Variants in CDH6 observed in about 807,000 individuals in gnomAD.
The protein encoded by CDH6 is cadherin 6.
Under a neutral mutation model 78.0 loss-of-function variants are expected in CDH6, and 31 were observed. The ratio of observed to expected loss-of-function variants is 0.40; its 90% confidence interval spans 0.30 to 0.54. The LOEUF is 0.54. Among genes scored for constraint, CDH6 ranks in the 20% least tolerant of loss-of-function variants. The probability of loss-of-function intolerance (pLI) is 0.56; values close to 1 mark genes in which losing one functional copy is unlikely to be tolerated. For missense variants in CDH6, 724 were observed against 975.9 expected (o/e 0.74, Z 3.44); for synonymous variants, 376 against 368.8 (o/e 1.02, Z -0.23).
At chr5:31,210,220 A>G (rs1350733575) in intron 1 of CDH6, among the ~76,000 whole-genome samples, 1 of 152,136 alleles carries the variant, frequency 6.6e-6, no homozygotes, top group Non-Finnish European at 1.5e-5. Context: ...TTAGTCACTT[A>G]AAGTCAGTAT....
At chr5:31,208,899 T>C (rs1740614608) in intron 1 of CDH6, among the ~76,000 whole-genome samples, 1 of 152,210 alleles carries the variant, frequency 6.6e-6, no homozygotes, top group South Asian at 2.1e-4. Context: ...GATTATGTAG[T>C]CCAATTTCAT....
chr5:31,235,209 A>G (rs1037730860), intron 1 of CDH6, among the ~76,000 whole-genome samples: 2 of 148,438 alleles, frequency 1.3e-5, no homozygotes, highest in Non-Finnish European at 3.0e-5. Context: ...ATGATACCAT[A>G]TAATTTCATC....
chr5:31,322,053 A>G (rs1738489120), intron 11 of CDH6, among the ~76,000 whole-genome samples: 1 of 152,218 alleles, frequency 6.6e-6, no homozygotes, highest in African/African-American at 2.4e-5. Flanking sequence ...AAGAATGAAC[A>G]TTCTCAGTAA....
intron 7 of CDH6, among the ~76,000 whole-genome samples, chr5:31,308,607 A>G (rs1411593516): frequency 6.6e-6 from 1 of 152,102 alleles, no homozygotes; most frequent in Non-Finnish European, 1.5e-5. Context: ...CTTGTGTACA[A>G]GCAACTTTCC....
intron 8 of CDH6, among the ~76,000 whole-genome samples, chr5:31,314,286 C>T (rs1441943356): frequency 2.7e-5 from 4 of 147,502 alleles, no homozygotes; most frequent in South Asian, 2.3e-4. Context: ...TCTCCTAATG[C>T]TATCCCTCCC....
At chr5:31,279,734 G>C (rs968087432) in intron 2 of CDH6, among the ~76,000 whole-genome samples, 1 of 152,106 alleles carries the variant, frequency 6.6e-6, no homozygotes, top group East Asian at 1.9e-4. Context: ...TACTGCCTCG[G>C]GGGTGGCAGA....
intron 1 of CDH6, among the ~76,000 whole-genome samples, chr5:31,210,885 G>C (rs1187241415): frequency 6.6e-6 from 1 of 152,062 alleles, no homozygotes; most frequent in Non-Finnish European, 1.5e-5. Context: ...CAGATACAGA[G>C]GGCCAACTGT....
In CDH6 at chr5:31,267,717, G is replaced by C. The variant is rs769845064; in HGVS notation, c.228+16G>C. 6.3e-7 allele frequency: 1 copy of C among 1,584,904 alleles called. No individual in the cohort carries two copies. Among genetic ancestry groups the C allele is most frequent in the Non-Finnish European group, 8.7e-7 (1 of 1,153,478 alleles). The stretch of plus-strand genomic sequence containing the variant: ...TGTGGGCAAGGTAGGATTCCTTTGA[G>C]TGCTTTGACATTCTGGGTTTAAAGC... On this transcript the variant is annotated intron_variant, in intron 2 of 11. Transcript: ENST00000265071.
chr5:31,323,092 G>C lies in CDH6; in HGVS notation c.2157G>C (p.Arg719Ser). 6.2e-7 allele frequency: 1 copy of C among 1,614,180 alleles called. No individual in the cohort carries two copies. The highest frequency in any genetic ancestry group is 8.5e-7 in the Non-Finnish European group (1 of 1,180,042). The change falls in exon 12 of 12, where the codon AGG becomes AGC. Residue 719 changes from arginine (R) to serine (S), a missense_variant. By Grantham distance (110) the Arg-to-Ser change is moderately radical. Transcript: ENST00000265071. ...ATGTCAGAGATTTCATTAACCAAAG[G>C]TTAAAGGAAAATGACACGGACCCCA... ...NTDVRDFINQ[R>S]LKENDTDPTA... is the part of the protein sequence containing the mutation.
chr5:31,266,856 G>C (rs116452433), intron 1 of CDH6, among the ~76,000 whole-genome samples: 1 of 152,142 alleles, frequency 6.6e-6, no homozygotes, highest in Non-Finnish European at 1.5e-5. Flanking sequence ...TGCAGAGCTG[G>C]CTCTGCCTGA....
intron 1 of CDH6, among the ~76,000 whole-genome samples, chr5:31,202,840 T>C (rs1740398259): frequency 1.3e-5 from 2 of 151,548 alleles, no homozygotes; most frequent in Admixed American, 6.6e-5. Context: ...TACACACACA[T>C]ATATATATGC....
chr5:31,200,691 G>T (rs1740327704), intron 1 of CDH6, among the ~76,000 whole-genome samples: 1 of 151,548 alleles, frequency 6.6e-6, no homozygotes, highest in African/African-American at 2.4e-5. Flanking sequence ...AGGGAAGTTG[G>T]GAGAAGGAAG....
Position 31,293,974 on chromosome 5 carries a change from C to G in CDH6, c.241C>G (p.Gln81Glu). The G allele has an allele frequency of 1.3e-6, 2 of 1,590,764 alleles. No individual in the cohort carries two copies. Among genetic ancestry groups the G allele is most frequent in the African/African-American group, 1.4e-5 (1 of 73,004 alleles). ...TTTTCTACACTAGTTACATTCAGAC[C>G]AGGATAGAGGAGATGGATCACTTAA... ...YQYVGKLHSD[Q>E]DRGDGSLKYI... Residue 81 changes from glutamine to glutamate, a missense_variant, in exon 3 of 12, where the codon CAG becomes GAG. Gln to Glu is a conservative substitution (Grantham distance 29, BLOSUM62 2). Around this residue, in one of 3 missense-constraint regions of CDH6, gnomAD observed 446 missense variants for 684.5 expected, o/e 0.65. Coordinates refer to ENST00000265071, the MANE Select transcript of CDH6 (RefSeq NM_004932.4).
At chr5:31,199,408 C>T (rs1488330952) in intron 1 of CDH6, among the ~76,000 whole-genome samples, 3 of 144,624 alleles carry the variant, frequency 2.1e-5, no homozygotes, top group Non-Finnish European at 4.5e-5. Context: ...ATGTACTTTA[C>T]ATGGTGTATA....
intron 1 of CDH6, among the ~76,000 whole-genome samples, chr5:31,232,031 C>G (rs1487428660): frequency 6.6e-6 from 1 of 152,178 alleles, no homozygotes; most frequent in Non-Finnish European, 1.5e-5. Context: ...CATTCTTGAC[C>G]TCTATGTCAA....
At chr5:31,306,916 T>C (rs1016868049) in intron 7 of CDH6, among the ~76,000 whole-genome samples, 1 of 152,134 alleles carries the variant, frequency 6.6e-6, no homozygotes, top group African/African-American at 2.4e-5. Context: ...GACCATTTAG[T>C]AAAGATTTGA....
rs1491332756 is a variant in CDH6 at position 31,199,686 on chromosome 5, T to TATATATATAC, written c.-129+5809_-129+5810insCATATATATA. 1.4e-4 allele frequency among the ~76,000 whole-genome samples: 3 copies of TATATATATAC among 22,150 alleles called. No individual in the cohort carries two copies. In the East Asian group the frequency reaches 4.6e-3, roughly 34 times the overall value. 14.5% of individuals were successfully genotyped at this position (22,150 alleles called of 152,430 possible). On this transcript the variant is annotated intron_variant, in intron 1 of 11. Coordinates refer to ENST00000265071, the MANE Select transcript of CDH6 (RefSeq NM_004932.4). ...GTGTGTGTATGTGTGTGTGTGTGTGTATATATATATATATATATATATATA... is the reference window on the plus strand; with the variant it reads ...GTGTGTGTATGTGTGTGTGTGTGTGTATATATATACATATATATATATATATATATATATA...
intron 2 of CDH6, among the ~76,000 whole-genome samples, chr5:31,292,859 ATATATATATATATATGTATG>A (rs1737445629): frequency 1.4e-5 from 1 of 71,886 alleles, no homozygotes; most frequent in African/African-American, 7.2e-5. Flanking sequence ...GTGCATATAT[ATATATATATATATATGTATG>A]TGTTTGTGTA....
At position 31,246,493 on chromosome 5, in the gene CDH6, AG is replaced by A. The variant is rs1470406262; in HGVS notation, c.-128-20850del. On this transcript the variant is annotated intron_variant, in intron 1 of 11. Transcript: ENST00000265071. ...ACCTATCATCTATACAGTAGAAAGC[AG>A]GGTTTACAGACGTCTATGTTATCTG... 3.9e-5 allele frequency among the ~76,000 whole-genome samples: 6 copies of A among 152,290 alleles called. No homozygotes were observed. In the East Asian group the frequency reaches 9.7e-4, roughly 25 times the overall value.
Sources: gnomAD v4.1 joint callset for allele counts (sites outside exome capture counted in the v4.1 genomes callset) on GRCh38, gnomAD v4.1.1 for gene constraint, gnomAD v4.1.1 regional missense constraint, MANE v1.5 for transcripts, NCBI Gene and HGNC (gene_info 2026-07-23, HGNC 2026-07-21) for gene names.